Variants in PITPNC1 observed in about 807,000 individuals in gnomAD.
PITPNC1 encodes the protein phosphatidylinositol transfer protein cytoplasmic 1.
In PITPNC1, 18 loss-of-function variants were observed where a neutral mutation model predicts 44.7. The observed-to-expected ratio is 0.40, with a 90% CI of 0.28 to 0.60. The LOEUF is 0.60. PITPNC1 is among the 20% of genes least tolerant of loss of function. The pLI is 0.39. For missense variants in PITPNC1, 290 were observed against 418.4 expected (o/e 0.69, Z 2.68); for synonymous variants, 141 against 149.6 (o/e 0.94, Z 0.42).
chr17:67,388,020 C>T (rs779507337), intron 1 of PITPNC1, among the ~76,000 whole-genome samples: 1 of 152,110 alleles, frequency 6.6e-6, no homozygotes, highest in Non-Finnish European at 1.5e-5. Flanking sequence ...AACTTAGGGT[C>T]CACACATAGT....
chr17:67,473,070 G>A (rs2039568718), intron 1 of PITPNC1, among the ~76,000 whole-genome samples: 1 of 151,918 alleles, frequency 6.6e-6, no homozygotes, highest in East Asian at 1.9e-4. Context: ...TAGAGAAGGG[G>A]TTTCACCATG....
intron 4 of PITPNC1, among the ~76,000 whole-genome samples, chr17:67,558,611 A>C (rs1187119529): frequency 2.0e-5 from 3 of 152,294 alleles, no homozygotes; most frequent in African/African-American, 7.2e-5. Context: ...GCAGGGACCT[A>C]GAGTAATACA....
At chr17:67,614,460 T>A (rs114850428) in intron 5 of PITPNC1, among the ~76,000 whole-genome samples, 3,612 of 151,974 alleles carry the variant, frequency 0.024, 110 homozygotes, top group East Asian at 0.098. Flanking sequence ...TTGCTTGAGC[T>A]CATGAGCTCG....
chr17:67,685,610 C>T (rs868327858), intron 8 of PITPNC1, among the ~76,000 whole-genome samples: 1 of 152,132 alleles, frequency 6.6e-6, no homozygotes, highest in Non-Finnish European at 1.5e-5. Context: ...GCACTTTGTT[C>T]GGCATACCAT....
chr17:67,640,014 A>C (rs537540368), intron 6 of PITPNC1, among the ~76,000 whole-genome samples: 1 of 152,260 alleles, frequency 6.6e-6, no homozygotes, highest in African/African-American at 2.4e-5. Context: ...TCTAATGGCC[A>C]GATTTAACAC....
At chr17:67,409,071 CTTTTTTT>C (rs1159310735) in intron 1 of PITPNC1, among the ~76,000 whole-genome samples, 4 of 80,520 alleles carry the variant, frequency 5.0e-5, no homozygotes, top group African/African-American at 1.0e-4. Context: ...CAAATTCATT[CTTTTTTT>C]TTTTTTTTTT....
intron 1 of PITPNC1, among the ~76,000 whole-genome samples, chr17:67,428,129 G>A (rs1216507160): frequency 6.6e-6 from 1 of 152,044 alleles, no homozygotes; most frequent in Non-Finnish European, 1.5e-5. Flanking sequence ...TGAGTGGCTG[G>A]CACTACAGGC....
intron 1 of PITPNC1, among the ~76,000 whole-genome samples, chr17:67,463,505 C>T (rs2039375755): frequency 6.6e-6 from 1 of 152,148 alleles, no homozygotes; most frequent in Non-Finnish European, 1.5e-5. Flanking sequence ...TCTGAGGTAG[C>T]AAATTCGGCT....
intron 1 of PITPNC1, among the ~76,000 whole-genome samples, chr17:67,413,170 C>T (rs1251501777): frequency 6.6e-6 from 1 of 152,182 alleles, no homozygotes; most frequent in Non-Finnish European, 1.5e-5. Context: ...AACCTGCTTG[C>T]TCATAAGAAT....
intron 2 of PITPNC1, among the ~76,000 whole-genome samples, chr17:67,548,736 C>G (rs2040718342): frequency 6.6e-6 from 1 of 152,160 alleles, no homozygotes; most frequent in Admixed American, 6.5e-5. Flanking sequence ...AGCCTGAGCC[C>G]TGGTGAGATG....
intron 1 of PITPNC1, among the ~76,000 whole-genome samples, chr17:67,399,361 A>G (rs371856643): frequency 7.9e-5 from 12 of 152,208 alleles, no homozygotes; most frequent in East Asian, 5.8e-4. Context: ...TCAACTTTCA[A>G]TGGCTGGGCA....
chr17:67,539,949 A>C (rs1391830588), intron 2 of PITPNC1, among the ~76,000 whole-genome samples: 3 of 152,186 alleles, frequency 2.0e-5, no homozygotes, highest in Non-Finnish European at 4.4e-5. Flanking sequence ...TATTGTTTAC[A>C]GACAACCGCA....
Position 67,511,622 on chromosome 17 carries a change from C to T in PITPNC1, c.49-21180C>T, listed in dbSNP as rs2040185692. Reference sequence around the variant, plus strand: ...CTCCTGAGTTCAAGTGATTCTCCTGCTTCAGCCTCCCGAGTAGCTGGGATT... The same window carrying T: ...CTCCTGAGTTCAAGTGATTCTCCTGTTTCAGCCTCCCGAGTAGCTGGGATT... On this transcript the variant is annotated intron_variant, in intron 1 of 8. Transcript: ENST00000581322. Among the ~76,000 whole-genome samples the T allele has an allele frequency of 1.3e-5, 2 of 152,172 alleles. 1 individual carries two copies. The highest frequency in any genetic ancestry group is 4.1e-4 in the South Asian group (2 of 4,826).
At chr17:67,553,715 A>G (rs1568038072) in intron 4 of PITPNC1, 98 bp downstream of exon 4, 4 of 485,510 alleles carry the variant, frequency 8.2e-6, no homozygotes, top group Non-Finnish European at 1.5e-5. Context: ...TAATAATTAA[A>G]AAGGGGAATA....
intron 4 of PITPNC1, among the ~76,000 whole-genome samples, chr17:67,572,021 T>C (rs780017411): frequency 4.6e-5 from 7 of 152,234 alleles, no homozygotes; most frequent in African/African-American, 7.2e-5. Context: ...TTCCTTCATA[T>C]GCTGTGGGCC....
At chr17:67,380,752 T>C (rs566491068) in intron 1 of PITPNC1, among the ~76,000 whole-genome samples, 1 of 151,326 alleles carries the variant, frequency 6.6e-6, no homozygotes, top group South Asian at 2.1e-4. Context: ...ATAAGATGTT[T>C]AGGTAAACTT....
At chr17:67,384,328 CT>C (rs1291320002) in intron 1 of PITPNC1, among the ~76,000 whole-genome samples, 1 of 152,144 alleles carries the variant, frequency 6.6e-6, no homozygotes, top group Non-Finnish European at 1.5e-5. Flanking sequence ...AGAGAGTTTT[CT>C]TGCGCACATT....
At chr17:67,411,898 G>A (rs1266116111) in intron 1 of PITPNC1, among the ~76,000 whole-genome samples, 1 of 152,114 alleles carries the variant, frequency 6.6e-6, no homozygotes, top group Non-Finnish European at 1.5e-5. Context: ...CACAGAGAGG[G>A]GAGTGGCAGA....
chr17:67,451,670 G>A (rs1292391899), intron 1 of PITPNC1, among the ~76,000 whole-genome samples: 2 of 146,954 alleles, frequency 1.4e-5, no homozygotes, highest in Non-Finnish European at 3.0e-5. Flanking sequence ...ACAGAGTCTC[G>A]CTCTGTCGCC....
Sources: gnomAD v4.1 joint callset for allele counts (sites outside exome capture counted in the v4.1 genomes callset) on GRCh38, gnomAD v4.1.1 for gene constraint, MANE v1.5 for transcripts, NCBI Gene and HGNC (gene_info 2026-07-23, HGNC 2026-07-21) for gene names.